ROR1: variants seen among roughly 807,000 people sequenced by gnomAD.
The protein encoded by ROR1 is ROR family WNT receptor 1, also known as inactive tyrosine-protein kinase transmembrane receptor ROR1.
A neutral mutation model predicts 78.8 loss-of-function variants in ROR1; 19 were observed. That is an observed-to-expected ratio of 0.24 (90% confidence interval 0.17 to 0.35). The LOEUF is 0.35. Among genes scored for constraint, ROR1 ranks in the 10% least tolerant of loss-of-function variants. The pLI is 1.00. For missense variants in ROR1, 917 were observed against 1,177.8 expected, an observed-to-expected ratio of 0.78 and a Z score of 3.24; for synonymous variants, 386 against 433.6, an observed-to-expected ratio of 0.89 and a Z score of 1.36.
At chr1:63,799,564 G>C (rs1644782932) in intron 1 of ROR1, among the ~76,000 whole-genome samples, 1 of 151,814 alleles carries the variant, frequency 6.6e-6, no homozygotes, top group African/African-American at 2.4e-5. Context: ...ATAGCTCTTA[G>C]TTCCTTCAAA....
intron 2 of ROR1, among the ~76,000 whole-genome samples, chr1:64,047,834 C>G (rs576649488): frequency 1.3e-5 from 2 of 152,294 alleles, no homozygotes; most frequent in South Asian, 4.1e-4. Context: ...GGAAGCAAAG[C>G]ATTAGCAAGA....
Position 63,851,574 on chromosome 1 carries a change from A to C in ROR1, c.91+77066A>C, listed in dbSNP as rs539252913. The stretch of plus-strand genomic sequence containing the variant: ...ACCATCACTCATGTATAAAGATGAC[A>C]GGGAAAAATTACAATGAATAGACTG... On this transcript the variant is annotated intron_variant, in intron 1 of 8. Coordinates refer to ENST00000371079, the MANE Select transcript of ROR1 (RefSeq NM_005012.4). 9.2e-5 allele frequency among the ~76,000 whole-genome samples: 14 copies of C among 152,356 alleles called. No individual in the cohort carries two copies. In the East Asian group the frequency reaches 2.5e-3, roughly 27 times the overall value.
intron 2 of ROR1, among the ~76,000 whole-genome samples, chr1:64,030,915 A>G (rs1437904115): frequency 6.6e-6 from 1 of 152,156 alleles, no homozygotes; most frequent in Non-Finnish European, 1.5e-5. Flanking sequence ...GTTTTGAGAC[A>G]GGATCTCACT....
chr1:64,087,232 T>C (rs1448669051), intron 4 of ROR1, among the ~76,000 whole-genome samples: 2 of 152,222 alleles, frequency 1.3e-5, no homozygotes, highest in Non-Finnish European at 2.9e-5. Flanking sequence ...TGCTATCTTT[T>C]TTCAATAGAA....
At chr1:64,154,005 G>A (rs1649701434) in intron 7 of ROR1, among the ~76,000 whole-genome samples, 1 of 152,224 alleles carries the variant, frequency 6.6e-6, no homozygotes. Context: ...TAGTGAACTT[G>A]TGTGGATTCC....
chr1:63,965,651 G>T (rs1455586056), intron 1 of ROR1, among the ~76,000 whole-genome samples: 1 of 152,070 alleles, frequency 6.6e-6, no homozygotes, highest in Admixed American at 6.5e-5. Context: ...AGTGTTTAAA[G>T]CATTATTTTA....
intron 7 of ROR1, among the ~76,000 whole-genome samples, chr1:64,143,825 G>C (rs1023295982): frequency 6.6e-6 from 1 of 152,148 alleles, no homozygotes; most frequent in African/African-American, 2.4e-5. Context: ...AGCTGTGTAG[G>C]CCATTGGAGG....
chr1:63,937,687 A>G lies in ROR1; in HGVS notation c.92-71618A>G, dbSNP rs1474152297. On this transcript the variant is annotated intron_variant, in intron 1 of 8. Transcript: ENST00000371079. ...AGTACAGTTGTAAATCAGAGCCTGAAGGTGCAGGTGGTTTTGGGAAATGAG... is the reference window on the plus strand; with the variant it reads ...AGTACAGTTGTAAATCAGAGCCTGAGGGTGCAGGTGGTTTTGGGAAATGAG... Among the ~76,000 whole-genome samples, 3 of 152,298 alleles carry G rather than the reference A, an allele frequency of 2.0e-5. No homozygotes were observed. The East Asian group carries it at 5.8e-4, about 29-fold the overall frequency.
chr1:64,054,486 A>G (rs1046774530), intron 4 of ROR1, among the ~76,000 whole-genome samples: 1 of 151,886 alleles, frequency 6.6e-6, no homozygotes, highest in Non-Finnish European at 1.5e-5. Context: ...GAGAAACTTC[A>G]CTCCCTGGAG....
chr1:63,819,121 T>C (rs577653933), intron 1 of ROR1, among the ~76,000 whole-genome samples: 3 of 152,158 alleles, frequency 2.0e-5, no homozygotes, highest in Non-Finnish European at 2.9e-5. Flanking sequence ...GATGTTCTGC[T>C]CTCCCCAGAG....
At chr1:64,119,502 G>C (rs1462945925) in intron 4 of ROR1, among the ~76,000 whole-genome samples, 2 of 151,952 alleles carry the variant, frequency 1.3e-5, no homozygotes, top group African/African-American at 4.8e-5. Flanking sequence ...AGCCAGGCGT[G>C]GTGGCAGGCG....
At chr1:64,142,894 G>A (rs41285394) in intron 7 of ROR1, 1,166 of 1,339,588 alleles carry the variant, frequency 8.7e-4, no homozygotes, top group Middle Eastern at 2.6e-3. Context: ...ATGTAACAGG[G>A]ACCCAGCCCT....
chr1:64,051,589 G>C (rs1004725866), intron 4 of ROR1, among the ~76,000 whole-genome samples: 1 of 152,092 alleles, frequency 6.6e-6, no homozygotes, highest in African/African-American at 2.4e-5. Flanking sequence ...TGAGTCCCTC[G>C]TTAATGGAGT....
intron 4 of ROR1, among the ~76,000 whole-genome samples, chr1:64,072,530 T>G (rs1336814624): frequency 6.6e-6 from 1 of 152,126 alleles, no homozygotes; most frequent in Admixed American, 6.5e-5. Flanking sequence ...TGAAGGCAAA[T>G]GAAAAGCAGG....
chr1:63,867,892 G>A (rs1433290494), intron 1 of ROR1, among the ~76,000 whole-genome samples: 2 of 152,238 alleles, frequency 1.3e-5, no homozygotes, highest in Admixed American at 1.3e-4. Flanking sequence ...TCTGGGGGAT[G>A]CTGAAGCTTG....
At chr1:64,095,924 A>G (rs1647286283) in intron 4 of ROR1, among the ~76,000 whole-genome samples, 1 of 152,220 alleles carries the variant, frequency 6.6e-6, no homozygotes, top group African/African-American at 2.4e-5. Flanking sequence ...AGCCAAGATT[A>G]GTCCTTAGAT....
intron 4 of ROR1, among the ~76,000 whole-genome samples, chr1:64,125,749 A>T (rs1648690705): frequency 6.6e-6 from 1 of 152,076 alleles, no homozygotes; most frequent in Non-Finnish European, 1.5e-5. Context: ...CACCTTTGGG[A>T]TTGTATTCAA....
intron 1 of ROR1, among the ~76,000 whole-genome samples, chr1:63,855,495 C>G (rs1645142272): frequency 1.3e-5 from 2 of 151,938 alleles, no homozygotes; most frequent in Admixed American, 1.3e-4. Flanking sequence ...TTTTTAATTC[C>G]CTTTTTCCCT....
At chr1:63,778,596 G>A (rs981103230) in intron 1 of ROR1, among the ~76,000 whole-genome samples, 1 of 152,212 alleles carries the variant, frequency 6.6e-6, no homozygotes, top group Admixed American at 6.5e-5. Flanking sequence ...AAGAAAATAT[G>A]TCTCTGAATC....
Sources: allele counts gnomAD v4.1 joint callset (sites outside exome capture counted in the v4.1 genomes callset), GRCh38; gene constraint gnomAD v4.1.1; transcripts MANE v1.5; gene names NCBI Gene and HGNC (gene_info 2026-07-23, HGNC 2026-07-21).